Variants in ZNF622 observed in about 807,000 individuals in gnomAD.
ZNF622 encodes the protein zinc finger protein 622, also known as cytoplasmic 60S subunit biogenesis factor ZNF622.
Under a neutral mutation model 49.7 loss-of-function variants are expected in ZNF622, and 34 were observed. The ratio of observed to expected loss-of-function variants is 0.68; its 90% CI spans 0.52 to 0.91. ZNF622 has a LOEUF of 0.91. ZNF622 is among the 40% of genes least tolerant of loss of function. The pLI is 0.00. For missense variants in ZNF622, 569 were observed against 616.4 expected, an observed-to-expected ratio of 0.92 and a Z score of 0.81; for synonymous variants, 209 against 228.7, an observed-to-expected ratio of 0.91 and a Z score of 0.78.
chr5:16,465,458 T>C lies in ZNF622; in HGVS notation c.208A>G (p.Thr70Ala). 1 of 1,614,238 alleles carries C rather than the reference T, an allele frequency of 6.2e-7. No homozygotes were observed. Among genetic ancestry groups the C allele is most frequent in the Admixed American group, 1.7e-5 (1 of 60,034 alleles). The change falls in exon 1 of 6, where the codon ACC becomes GCC. Residue 70 changes from threonine to alanine, a missense_variant. Coordinates refer to ENST00000308683, the MANE Select transcript of ZNF622 (RefSeq NM_033414.3). The surrounding 1 kb of genome is among the most constrained non-coding windows in gnomAD (Gnocchi z 6.2). ...EESKGSATYC[T>A]VCSKKFASFN... ...GAGGCAAACTTCTTACTGCAAACGG[T>C]GCAGTAGGTGGCCGAGCCCTTGCTC...
intron 3 of ZNF622, among the ~76,000 whole-genome samples, chr5:16,462,675 A>G (rs1738138798): frequency 6.6e-6 from 1 of 152,140 alleles, no homozygotes; most frequent in Non-Finnish European, 1.5e-5. Flanking sequence ...GATTCTAGTT[A>G]GGGGTGAACC....
At chr5:16,453,839 T>TGGC (rs1737978512) in intron 4 of ZNF622, among the ~76,000 whole-genome samples, 1 of 151,966 alleles carries the variant, frequency 6.6e-6, no homozygotes, top group African/African-American at 2.4e-5. Context: ...CTATTAAACA[T>TGGC]CTTTACATGC....
rs1478014861 is a variant in ZNF622, at chr5:16,465,243, G to A, written c.423C>T (p.Ser141=). The part of the protein sequence containing the change: ...AIQQAIKAQP[S]MSPKKAPPAP... The stretch of plus-strand genomic sequence containing the variant: ...CTGGGGGCGCCTTCTTGGGAGACAT[G>A]GACGGCTGGGCCTTGATGGCCTGCT... Residue 141 remains serine (S), a synonymous_variant, in exon 1 of 6, where the codon TCC becomes TCT. Coordinates refer to ENST00000308683, the MANE Select transcript of ZNF622 (RefSeq NM_033414.3). The surrounding 1 kb of genome is among the most constrained non-coding windows in gnomAD (Gnocchi z 6.2). 6.2e-6 allele frequency: 10 copies of A among 1,614,122 alleles called. No homozygotes were observed. The highest frequency in any genetic ancestry group is 1.1e-5 in the South Asian group (1 of 91,096).
intron 4 of ZNF622, among the ~76,000 whole-genome samples, chr5:16,454,348 C>T (rs1481518072): frequency 1.3e-5 from 2 of 151,808 alleles, no homozygotes; most frequent in Admixed American, 6.6e-5. Context: ...ATTAGCCGGG[C>T]GTGGTGGTGG....
At chr5:16,452,378 G>A (rs942100602) in intron 5 of ZNF622, among the ~76,000 whole-genome samples, 3 of 152,160 alleles carry the variant, frequency 2.0e-5, no homozygotes, top group African/African-American at 7.2e-5. Context: ...GTACCATACT[G>A]ATGAGGTTTC....
rs1244727276 is a variant in ZNF622, at chr5:16,458,601, C to G, written c.1078G>C (p.Glu360Gln). ...RSSYPDHKEG[E>Q]DPNKAEELPS... is the part of the protein sequence containing the mutation. ...AACTCCTCAGCCTTATTGGGGTCCT[C>G]CCCTTCCTTGTGATCTGGATAGCTA... Residue 360 changes from glutamate (E) to glutamine (Q), a missense_variant, in exon 4 of 6, where the codon GAG becomes CAG. Physicochemically the swap from Glu to Gln is conservative, Grantham distance 29 (BLOSUM62 2). Transcript: ENST00000308683. 1 of 1,613,472 alleles carries G rather than the reference C, an allele frequency of 6.2e-7. No individual in the cohort carries two copies.
intron 4 of ZNF622, among the ~76,000 whole-genome samples, chr5:16,453,566 T>TATAC (rs1306551150): frequency 2.5e-5 from 1 of 39,540 alleles, no homozygotes; most frequent in African/African-American, 1.4e-4. Context: ...AAATTATATA[T>TATAC]ATATATATAT....
intron 4 of ZNF622, among the ~76,000 whole-genome samples, chr5:16,457,600 A>G (rs2126491949): frequency 6.6e-6 from 1 of 152,338 alleles, no homozygotes; most frequent in East Asian, 1.9e-4. Context: ...TCTGAGCTAA[A>G]GATAGTCATC....
intron 4 of ZNF622, among the ~76,000 whole-genome samples, chr5:16,457,434 G>T (rs1738044107): frequency 6.6e-6 from 1 of 152,128 alleles, no homozygotes; most frequent in Non-Finnish European, 1.5e-5. Flanking sequence ...TGGGATTTAG[G>T]TTTTACCACT....
chr5:16,452,697 C>A (rs963433311), intron 5 of ZNF622, among the ~76,000 whole-genome samples: 1 of 152,336 alleles, frequency 6.6e-6, no homozygotes, highest in Non-Finnish European at 1.5e-5. Flanking sequence ...AGGATACTAT[C>A]TAATTCCTCT....
intron 4 of ZNF622, among the ~76,000 whole-genome samples, chr5:16,456,950 T>G (rs1048701129): frequency 6.6e-6 from 1 of 152,026 alleles, no homozygotes; most frequent in Non-Finnish European, 1.5e-5. Context: ...GAGAGGAAGA[T>G]CTCTCTAAGA....
chr5:16,460,881 G>A (rs1324527049), intron 3 of ZNF622, among the ~76,000 whole-genome samples: 2 of 152,098 alleles, frequency 1.3e-5, no homozygotes, highest in South Asian at 2.1e-4. Context: ...TCAAACTAAC[G>A]GTTTAAGCAA....
At chr5:16,462,991 A>G (rs1738144936) in intron 3 of ZNF622, 117 bp downstream of exon 3, 3 of 1,038,898 alleles carry the variant, frequency 2.9e-6, no homozygotes, top group Admixed American at 3.0e-5. Context: ...CAGAGGTGTT[A>G]TAAGTGTTAT....
intron 4 of ZNF622, among the ~76,000 whole-genome samples, chr5:16,455,887 T>C (rs1187855906): frequency 6.6e-6 from 1 of 152,158 alleles, no homozygotes; most frequent in African/African-American, 2.4e-5. Context: ...CCTGTGCCAA[T>C]GACAGTGACC....
chr5:16,465,695 C>T lies in ZNF622; in HGVS notation c.-30G>A, dbSNP rs1051249850. 3.3e-6 allele frequency: 5 copies of T among 1,536,774 alleles called. No individual in the cohort carries two copies. The South Asian group carries it at 6.4e-5, about 20-fold the overall frequency. On this transcript the variant is annotated 5_prime_UTR_variant, in exon 1 of 6. Coordinates refer to ENST00000308683, the MANE Select transcript of ZNF622 (RefSeq NM_033414.3). This position sits in a 1 kb window ranked among gnomAD's most constrained non-coding sequence, Gnocchi z 6.2. ...AGGCGAGAAATAAGAACCGACCAAG[C>T]CAAACACCTGGTGATCAGCGCCGTG...
intron 5 of ZNF622, among the ~76,000 whole-genome samples, chr5:16,452,153 T>A (rs1050727217): frequency 5.9e-5 from 9 of 152,162 alleles, no homozygotes; most frequent in Non-Finnish European, 1.3e-4. Flanking sequence ...CAGATTCAAG[T>A]GGCCACACAG....
rs754230403 is a variant in ZNF622, at chr5:16,464,437, C to T, written c.625+604G>A. Among the ~76,000 whole-genome samples the T allele has an allele frequency of 3.9e-5, 6 of 152,206 alleles. 1 individual carries two copies. In the South Asian group the frequency reaches 6.2e-4, roughly 16 times the overall value. Reference sequence around the variant, plus strand: ...CAATTTCCAGAACTATGGGAAAATACATTTATGTTGTTCATAAATCACCCA... The same window carrying T: ...CAATTTCCAGAACTATGGGAAAATATATTTATGTTGTTCATAAATCACCCA... On this transcript the variant is annotated intron_variant, in intron 1 of 5. Transcript: ENST00000308683.
chr5:16,465,148 G>T lies in ZNF622; in HGVS notation c.518C>A (p.Pro173Gln), dbSNP rs1049249558. 2 of 1,613,994 alleles carry T rather than the reference G, an allele frequency of 1.2e-6. No homozygotes were observed. Among genetic ancestry groups the T allele is most frequent in the Non-Finnish European group, 8.5e-7 (1 of 1,180,006 alleles). The change falls in exon 1 of 6, where the codon CCG becomes CAG. Residue 173 changes from proline (P) to glutamine (Q), a missense_variant. By Grantham distance (76) the Pro-to-Gln change is moderately conservative. Coordinates refer to ENST00000308683, the MANE Select transcript of ZNF622 (RefSeq NM_033414.3). This position sits in a 1 kb window ranked among gnomAD's most constrained non-coding sequence, Gnocchi z 6.2. Reference protein sequence around the residue: ...TGGRGTHDRDPSEKPPRLQWF... With the variant: ...TGGRGTHDRDQSEKPPRLQWF... ...CTGGAGCCGGGGTGGTTTCTCACTC[G>T]GGTCTCGGTCGTGGGTCCCACGGCC...
Position 16,463,463 on chromosome 5 carries a change from G to C in ZNF622, c.886+19C>G, listed in dbSNP as rs779334377. ...TAATGTGATTATTTCCTCATTAAAA[G>C]GAAAACTATTGTACTTACCCAAGTA... On this transcript the variant is annotated intron_variant, in intron 2 of 5. Transcript: ENST00000308683. This position sits in a 1 kb window ranked among gnomAD's most constrained non-coding sequence, Gnocchi z 4.2. 3 of 1,593,940 alleles carry C rather than the reference G, an allele frequency of 1.9e-6. No homozygotes were observed. The highest frequency in any genetic ancestry group is 2.6e-6 in the Non-Finnish European group (3 of 1,168,374).
Sources: gnomAD v4.1 joint callset for allele counts (sites outside exome capture counted in the v4.1 genomes callset) on GRCh38, gnomAD v4.1.1 for gene constraint, Gnocchi (gnomAD v3.1) non-coding constraint, MANE v1.5 for transcripts, NCBI Gene and HGNC (gene_info 2026-07-23, HGNC 2026-07-21) for gene names.